The following JARID2 variants were observed in gnomAD, a reference collection of about 807,000 sequenced individuals.
JARID2 encodes the protein protein Jumonji.
In JARID2, 21 loss-of-function variants were observed where a neutral mutation model predicts 125.6. That is an observed-to-expected ratio of 0.17 (90% confidence interval 0.12 to 0.24). The LOEUF (loss-of-function observed/expected upper bound fraction) is 0.24, where lower values mean the gene tolerates loss of function less well. JARID2 is among the 10% of genes least tolerant of loss of function. The pLI, the probability that JARID2 is intolerant of heterozygous loss-of-function variation, is 1.00. For synonymous variants in JARID2, 736 were observed against 661.6 expected, an observed-to-expected ratio of 1.11 and a Z score of -1.73; for missense variants, 1,303 against 1,639.6, an observed-to-expected ratio of 0.79 and a Z score of 3.55.
chr6:15,474,694 A>G (rs1017382314), intron 5 of JARID2, among the ~76,000 whole-genome samples: 1 of 152,184 alleles, frequency 6.6e-6, no homozygotes, highest in South Asian at 2.1e-4. Context: ...AGCCATTGTT[A>G]TATGTTCAAG....
intron 3 of JARID2, among the ~76,000 whole-genome samples, chr6:15,413,002 G>GTGT (rs1765952689): frequency 4.3e-5 from 2 of 46,532 alleles, no homozygotes; most frequent in Admixed American, 2.8e-4. Flanking sequence ...AAGAGCTTGT[G>GTGT]TTTTTGTTTT....
intron 1 of JARID2, among the ~76,000 whole-genome samples, chr6:15,280,227 G>GT (rs1439599556): frequency 2.0e-5 from 3 of 152,090 alleles, no homozygotes; most frequent in Admixed American, 2.0e-4. Flanking sequence ...AGTGACTTGG[G>GT]TTTTTTTCTG....
intron 2 of JARID2, 143 bp from the exon 3 acceptor site, chr6:15,410,081 A>G: frequency 2.9e-6 from 2 of 691,480 alleles, no homozygotes; most frequent in East Asian, 5.5e-5. Context: ...TTCTCCACCC[A>G]TTCAAAAGGG....
At chr6:15,364,426 G>T (rs1036903220) in intron 1 of JARID2, among the ~76,000 whole-genome samples, 12 of 152,198 alleles carry the variant, frequency 7.9e-5, no homozygotes, top group African/African-American at 2.9e-4. Flanking sequence ...ATTTGAAGGT[G>T]TAGGAAAGCA....
chr6:15,422,089 T>G (rs914852768), intron 3 of JARID2, among the ~76,000 whole-genome samples: 5 of 152,196 alleles, frequency 3.3e-5, no homozygotes, highest in African/African-American at 1.2e-4. Context: ...AATCCTCTCT[T>G]GGGTCCTCCA....
chr6:15,336,221 C>T (rs954103867), intron 1 of JARID2, among the ~76,000 whole-genome samples: 5 of 152,180 alleles, frequency 3.3e-5, no homozygotes. Context: ...AACTGAAAAA[C>T]AGGTGGGGAA....
At chr6:15,269,514 G>A (rs1233702165) in intron 1 of JARID2, among the ~76,000 whole-genome samples, 2 of 151,722 alleles carry the variant, frequency 1.3e-5, no homozygotes, top group African/African-American at 2.4e-5. Flanking sequence ...GACCACAGGT[G>A]CATGACACCA....
intron 1 of JARID2, among the ~76,000 whole-genome samples, chr6:15,270,354 A>C (rs1760248878): frequency 1.3e-5 from 2 of 151,960 alleles, no homozygotes; most frequent in Admixed American, 6.6e-5. Flanking sequence ...CTGGTCCCGA[A>C]CTCCTGACCT....
At chr6:15,413,901 G>A (rs1219148920) in intron 3 of JARID2, among the ~76,000 whole-genome samples, 2 of 152,158 alleles carry the variant, frequency 1.3e-5, no homozygotes, top group Non-Finnish European at 2.9e-5. Context: ...TTAGGGATTA[G>A]GTTTCCAACA....
In JARID2 at chr6:15,520,980, T is replaced by C. The variant is rs1771814741; in HGVS notation, c.*729T>C. 1 of 222,828 alleles carries C rather than the reference T, an allele frequency of 4.5e-6. No homozygotes were observed. The highest frequency in any genetic ancestry group is 2.3e-5 in the African/African-American group (1 of 42,724). The allele number at this position is 222,828 out of a possible 1,614,324, so 13.8% of individuals were successfully genotyped here. On this transcript the variant is annotated 3_prime_UTR_variant, in exon 18 of 18. Coordinates refer to ENST00000341776, the MANE Select transcript of JARID2 (RefSeq NM_004973.4). ...TTGGAGGGGTCACATGAGGGAGACCTGTGCCTGATTTCATTAGGAAATCCA... is the reference window on the plus strand; with the variant it reads ...TTGGAGGGGTCACATGAGGGAGACCCGTGCCTGATTTCATTAGGAAATCCA...
At chr6:15,376,666 T>G (rs1016724821) in intron 2 of JARID2, among the ~76,000 whole-genome samples, 1 of 152,112 alleles carries the variant, frequency 6.6e-6, no homozygotes, top group African/African-American at 2.4e-5. Context: ...CAAGGCTGCA[T>G]TGAGCTATGT....
intron 16 of JARID2, among the ~76,000 whole-genome samples, chr6:15,515,421 C>T (rs887343017): frequency 6.6e-6 from 1 of 152,136 alleles, no homozygotes; most frequent in Non-Finnish European, 1.5e-5. Context: ...ACCAGGTGGC[C>T]TCATTTTCAA....
chr6:15,364,369 G>A (rs1170275123), intron 1 of JARID2, among the ~76,000 whole-genome samples: 1 of 152,186 alleles, frequency 6.6e-6, no homozygotes, highest in African/African-American at 2.4e-5. Flanking sequence ...TTTTTGTCTG[G>A]CCTCAATCCC....
chr6:15,497,533 C>A (rs1361744252), intron 7 of JARID2, among the ~76,000 whole-genome samples: 1 of 152,084 alleles, frequency 6.6e-6, no homozygotes, highest in South Asian at 2.1e-4. Context: ...GCCTGTAGTC[C>A]CAGCTACTTG....
chr6:15,428,940 C>CCCCA (rs1554135863), intron 3 of JARID2, among the ~76,000 whole-genome samples: 9 of 116,876 alleles, frequency 7.7e-5, no homozygotes, highest in African/African-American at 2.4e-4. Context: ...ACCCCCCCCC[C>CCCCA]AAAAAAAAAA....
intron 1 of JARID2, among the ~76,000 whole-genome samples, chr6:15,372,947 T>C (rs904658126): frequency 6.6e-6 from 1 of 152,136 alleles, no homozygotes; most frequent in South Asian, 2.1e-4. Flanking sequence ...GACCTCGTGA[T>C]CTGCCCATCT....
At chr6:15,316,268 C>T (rs1296992162) in intron 1 of JARID2, among the ~76,000 whole-genome samples, 2 of 151,908 alleles carry the variant, frequency 1.3e-5, no homozygotes, top group African/African-American at 2.4e-5. Flanking sequence ...TACAGGCACA[C>T]GTATTTTTAG....
chr6:15,447,744 C>T (rs923149950), intron 3 of JARID2, among the ~76,000 whole-genome samples: 6 of 152,216 alleles, frequency 3.9e-5, no homozygotes, highest in Non-Finnish European at 7.3e-5. Flanking sequence ...GGGTATGCCG[C>T]CTCCCCTGGA....
At chr6:15,399,846 A>G (rs1765356718) in intron 2 of JARID2, among the ~76,000 whole-genome samples, 1 of 152,252 alleles carries the variant, frequency 6.6e-6, no homozygotes, top group East Asian at 1.9e-4. Flanking sequence ...GGACTTGGCC[A>G]CCATCTTCCT....
Sources: allele counts gnomAD v4.1 joint callset (sites outside exome capture counted in the v4.1 genomes callset), GRCh38; gene constraint gnomAD v4.1.1; transcripts MANE v1.5; gene names NCBI Gene and HGNC (gene_info 2026-07-23, HGNC 2026-07-21).